C8orf34: variants seen among roughly 807,000 people sequenced by gnomAD.
The protein encoded by C8orf34 is uncharacterized protein C8orf34.
Under a neutral mutation model 68.3 loss-of-function variants are expected in C8orf34, and 65 were observed. The observed-to-expected ratio is 0.95, with a 90% confidence interval of 0.78 to 1.17. The LOEUF is 1.17. Among genes scored for constraint, C8orf34 ranks in the 50% most tolerant of loss-of-function variants. The pLI is 0.00. For missense variants in C8orf34, 664 were observed against 655.4 expected, an observed-to-expected ratio of 1.01 and a Z score of -0.14; for synonymous variants, 244 against 241.2, an observed-to-expected ratio of 1.01 and a Z score of -0.11.
intron 7 of C8orf34, among the ~76,000 whole-genome samples, chr8:68,568,874 T>C (rs1380700219): frequency 6.6e-6 from 1 of 151,948 alleles, no homozygotes; most frequent in East Asian, 1.9e-4. Context: ...TTGTGGGCCA[T>C]ACCGTCTCTC....
At chr8:68,481,783 A>T (rs1812871006) in intron 4 of C8orf34, among the ~76,000 whole-genome samples, 1 of 152,074 alleles carries the variant, frequency 6.6e-6, no homozygotes, top group South Asian at 2.1e-4. Flanking sequence ...ATACCCCAAT[A>T]CCTGTACCCC....
At chr8:68,762,659 G>A (rs1005877441) in intron 10 of C8orf34, among the ~76,000 whole-genome samples, 3 of 152,160 alleles carry the variant, frequency 2.0e-5, no homozygotes, top group Non-Finnish European at 4.4e-5. Context: ...GACCTCAAAA[G>A]ATGTTTGCTT....
chr8:68,485,489 G>A (rs1427567545), intron 4 of C8orf34, among the ~76,000 whole-genome samples: 5 of 151,910 alleles, frequency 3.3e-5, no homozygotes, highest in Admixed American at 1.3e-4. Flanking sequence ...CCAGGCAGGC[G>A]GATCACGAGG....
At chr8:68,617,401 A>T (rs1282161271) in intron 7 of C8orf34, among the ~76,000 whole-genome samples, 1 of 152,206 alleles carries the variant, frequency 6.6e-6, no homozygotes, top group African/African-American at 2.4e-5. Context: ...ACAATTTGGC[A>T]TGATTTTGCA....
rs1329775197 is a variant in C8orf34, at chr8:68,625,742, T to C, written c.1106-14634T>C. On this transcript the variant is annotated intron_variant, in intron 7 of 13. Transcript: ENST00000518698. ...GGCCAATATACATCAACAGCAATTTTAGTATATGGCCAGCAAGGGTCTTCT... is the reference window on the plus strand; with the variant it reads ...GGCCAATATACATCAACAGCAATTTCAGTATATGGCCAGCAAGGGTCTTCT... 7.3e-6 allele frequency: 4 copies of C among 548,182 alleles called. No individual in the cohort carries two copies. In the African/African-American group the frequency reaches 7.7e-5, roughly 11 times the overall value. The allele number at this position is 548,182 out of a possible 1,614,324, so 34.0% of individuals were successfully genotyped here. A position where few individuals can be genotyped will look rare whatever the true frequency, so the allele number is the denominator to read the frequency against.
Position 68,640,447 on chromosome 8 carries a change from C to T in C8orf34, c.1177C>T (p.Arg393Cys), listed in dbSNP as rs775847499. 15 of 1,613,702 alleles carry T rather than the reference C, an allele frequency of 9.3e-6. No individual in the cohort carries two copies. Among genetic ancestry groups the T allele is most frequent in the Non-Finnish European group, 1.2e-5 (14 of 1,179,850 alleles). ...VPSGSKFNQGRPTYPAEPQAK... is the reference protein window; with the variant it reads ...VPSGSKFNQGCPTYPAEPQAK... Reference sequence around the variant, plus strand: ...TTCTGGGAGCAAATTTAACCAAGGCCGTCCTACTTACCCTGCTGAGCCTCA... The same window carrying T: ...TTCTGGGAGCAAATTTAACCAAGGCTGTCCTACTTACCCTGCTGAGCCTCA... The change falls in exon 8 of 14, where the codon CGT becomes TGT. Residue 393 changes from arginine (R) to cysteine (C), a missense_variant. Coordinates refer to ENST00000518698, the MANE Select transcript of C8orf34 (RefSeq NM_052958.4).
chr8:68,801,100 A>T (rs1046953897), intron 12 of C8orf34, among the ~76,000 whole-genome samples: 1 of 152,160 alleles, frequency 6.6e-6, no homozygotes, highest in African/African-American at 2.4e-5. Flanking sequence ...AGCCTCTCCC[A>T]GGGCTCAAGC....
intron 10 of C8orf34, among the ~76,000 whole-genome samples, chr8:68,772,076 A>G (rs754618812): frequency 7.9e-5 from 12 of 152,174 alleles, no homozygotes; most frequent in Non-Finnish European, 1.5e-4. Flanking sequence ...CCATTCTTCC[A>G]TGGGTTCCAA....
chr8:68,550,704 T>C (rs551685288), intron 7 of C8orf34, among the ~76,000 whole-genome samples: 8 of 151,928 alleles, frequency 5.3e-5, no homozygotes, highest in African/African-American at 1.9e-4. Context: ...AAAGTCTTTT[T>C]TTCTCCTTCA....
chr8:68,475,109 A>G lies in C8orf34; in HGVS notation c.736+6289A>G, dbSNP rs899240731. On this transcript the variant is annotated intron_variant, in intron 4 of 13. Coordinates refer to ENST00000518698, the MANE Select transcript of C8orf34 (RefSeq NM_052958.4). Reference sequence around the variant, plus strand: ...CACTCCCTCGAGGTTCCCCCTTTCCATGCTTTTGCTTATGTTGTCCTCATG... The same window carrying G: ...CACTCCCTCGAGGTTCCCCCTTTCCGTGCTTTTGCTTATGTTGTCCTCATG... Among the ~76,000 whole-genome samples the G allele has an allele frequency of 4.6e-5, 7 of 152,022 alleles. No individual in the cohort carries two copies. The South Asian group carries it at 1.0e-3, about 23-fold the overall frequency.
At chr8:68,404,521 GT>G (rs1474206091) in intron 1 of C8orf34, among the ~76,000 whole-genome samples, 1 of 152,128 alleles carries the variant, frequency 6.6e-6, no homozygotes, top group Non-Finnish European at 1.5e-5. Context: ...TTATGTTTAA[GT>G]CTTTAATCCA....
intron 1 of C8orf34, among the ~76,000 whole-genome samples, chr8:68,364,938 A>C (rs1438496623): frequency 1.3e-5 from 2 of 151,760 alleles, no homozygotes; most frequent in Admixed American, 1.3e-4. Flanking sequence ...AACCCTTCAA[A>C]AAATCAATGA....
intron 8 of C8orf34, among the ~76,000 whole-genome samples, chr8:68,640,884 T>C (rs1818986277): frequency 6.6e-6 from 1 of 152,228 alleles, no homozygotes; most frequent in Non-Finnish European, 1.5e-5. Flanking sequence ...CAGTTTAAGA[T>C]CTGATATTAT....
At chr8:68,429,595 T>TA (rs1206552391) in intron 1 of C8orf34, among the ~76,000 whole-genome samples, 1 of 152,190 alleles carries the variant, frequency 6.6e-6, no homozygotes, top group African/African-American at 2.4e-5. Flanking sequence ...TATTCACAAT[T>TA]ACCAAGAAAT....
chr8:68,707,174 G>A (rs2130954242), intron 8 of C8orf34, among the ~76,000 whole-genome samples: 1 of 152,242 alleles, frequency 6.6e-6, no homozygotes, highest in South Asian at 2.1e-4. Context: ...GGTGCTGTGT[G>A]GGTTACAGCT....
chr8:68,647,107 G>T (rs1272091188), intron 8 of C8orf34, among the ~76,000 whole-genome samples: 1 of 152,024 alleles, frequency 6.6e-6, no homozygotes, highest in Non-Finnish European at 1.5e-5. Context: ...AGAAAGCAAA[G>T]AACCCAATTT....
At position 68,499,206 on chromosome 8, in the gene C8orf34, G is replaced by A. The variant is rs533307083; in HGVS notation, c.765+11155G>A. Among the ~76,000 whole-genome samples, 10 of 152,138 alleles carry A rather than the reference G, an allele frequency of 6.6e-5. No homozygotes were observed. In the East Asian group the frequency reaches 1.4e-3, roughly 21 times the overall value. On this transcript the variant is annotated intron_variant, in intron 5 of 13. Transcript: ENST00000518698. Reference sequence around the variant, plus strand: ...TGGTTATCTGTTCCTGCATTGATTCGCTTAGGATAATGGCCTCCAGCTGCA... The same window carrying A: ...TGGTTATCTGTTCCTGCATTGATTCACTTAGGATAATGGCCTCCAGCTGCA...
chr8:68,452,792 T>G (rs1301383131), intron 3 of C8orf34, among the ~76,000 whole-genome samples: 1 of 142,698 alleles, frequency 7.0e-6, no homozygotes, highest in Non-Finnish European at 1.5e-5. Flanking sequence ...TCTATTTTCC[T>G]TTTTTTTTTG....
chr8:68,392,314 C>T (rs1586042034), intron 1 of C8orf34, among the ~76,000 whole-genome samples: 2 of 151,924 alleles, frequency 1.3e-5, no homozygotes, highest in East Asian at 3.9e-4. Context: ...GTCTACTCTT[C>T]TCCTTTGATA....
Sources: gnomAD v4.1 joint callset for allele counts (sites outside exome capture counted in the v4.1 genomes callset) on GRCh38, gnomAD v4.1.1 for gene constraint, MANE v1.5 for transcripts, NCBI Gene and HGNC (gene_info 2026-07-23, HGNC 2026-07-21) for gene names.